DIP2C: variants seen among roughly 807,000 people sequenced by gnomAD.
The protein encoded by DIP2C is disco-interacting protein 2 homolog C.
DIP2C carries 33 observed loss-of-function variants against 192.4 expected under a neutral mutation model. The observed-to-expected ratio is 0.17, with a 90% CI of 0.13 to 0.23. The LOEUF (loss-of-function observed/expected upper bound fraction) is 0.23. Among genes scored for constraint, DIP2C ranks in the 10% least tolerant of loss-of-function variants. The pLI, the probability that DIP2C is intolerant of heterozygous loss-of-function variation, is 1.00. For missense variants in DIP2C, 1,537 were observed against 2,110.1 expected, an observed-to-expected ratio of 0.73 and a Z score of 5.32; for synonymous variants, 979 against 864.1, an observed-to-expected ratio of 1.13 and a Z score of -2.33.
At chr10:332,198 T>C (rs1241256672) in intron 29 of DIP2C, among the ~76,000 whole-genome samples, 4 of 152,184 alleles carry the variant, frequency 2.6e-5, no homozygotes, top group African/African-American at 9.6e-5. Flanking sequence ...GCAATCCTCC[T>C]GCCTCGGACA....
At chr10:462,643 G>T (rs555017612) in intron 3 of DIP2C, among the ~76,000 whole-genome samples, 153 of 152,240 alleles carry the variant, frequency 1.0e-3, no homozygotes, top group African/African-American at 3.5e-3. Flanking sequence ...CAAAACAATA[G>T]AAAAGAGGGG....
chr10:572,076 C>G (rs1849852738), intron 1 of DIP2C, among the ~76,000 whole-genome samples: 3 of 152,188 alleles, frequency 2.0e-5, no homozygotes, highest in South Asian at 4.1e-4. Context: ...TGAAAGGAGA[C>G]CCTTCTCGGG....
intron 17 of DIP2C, among the ~76,000 whole-genome samples, chr10:378,024 G>A (rs79535080): frequency 2.7e-3 from 415 of 152,298 alleles, no homozygotes; most frequent in African/African-American, 9.6e-3. Flanking sequence ...AACAGAGTCA[G>A]ATGGCAGGAG....
chr10:582,623 C>T (rs992471231), intron 1 of DIP2C, among the ~76,000 whole-genome samples: 12 of 152,096 alleles, frequency 7.9e-5, no homozygotes, highest in South Asian at 2.1e-4. Flanking sequence ...AAACTGGATG[C>T]GTTTAGGTGG....
intron 1 of DIP2C, among the ~76,000 whole-genome samples, chr10:615,507 A>G (rs1015136122): frequency 6.6e-6 from 1 of 152,142 alleles, no homozygotes; most frequent in Non-Finnish European, 1.5e-5. Flanking sequence ...AGGGCTCAAG[A>G]CACTGCACCA....
chr10:607,209 C>T (rs550246818), intron 1 of DIP2C, among the ~76,000 whole-genome samples: 1 of 152,336 alleles, frequency 6.6e-6, no homozygotes, highest in South Asian at 2.1e-4. Flanking sequence ...AGGCCTAAAG[C>T]CTCGAAGACA....
chr10:305,166 ACT>A lies in DIP2C; in HGVS notation c.3986+4863_3986+4864del, dbSNP rs545466638. ...ACACAACACACTTGCACAAACTCAT[ACT>A]CTCATGCATATATGCACTTATACTT... On this transcript the variant is annotated intron_variant, in intron 32 of 36. Transcript: ENST00000280886. Among the ~76,000 whole-genome samples, 377 of 151,948 alleles carry A rather than the reference ACT, an allele frequency of 2.5e-3. 1 individual carries two copies. The highest frequency in any genetic ancestry group is 8.0e-3 in the African/African-American group (333 of 41,426).
chr10:463,811 C>T (rs545607900), intron 3 of DIP2C, among the ~76,000 whole-genome samples: 37 of 152,198 alleles, frequency 2.4e-4, no homozygotes, highest in Admixed American at 1.6e-3. Context: ...ACCAAGGGAA[C>T]AGAACAGAGG....
intron 1 of DIP2C, among the ~76,000 whole-genome samples, chr10:632,593 C>T (rs397832589): frequency 1.1e-5 from 1 of 91,554 alleles, no homozygotes; most frequent in South Asian, 5.2e-4. Flanking sequence ...CTGGAGACCA[C>T]GCGGGCACCG....
intron 1 of DIP2C, among the ~76,000 whole-genome samples, chr10:576,565 C>T (rs1850174716): frequency 1.3e-5 from 2 of 152,166 alleles, no homozygotes; most frequent in African/African-American, 2.4e-5. Flanking sequence ...CTTTCTACTC[C>T]AATTTAATAC....
At chr10:679,844 G>A (rs1271938284) in intron 1 of DIP2C, among the ~76,000 whole-genome samples, 1 of 152,128 alleles carries the variant, frequency 6.6e-6, no homozygotes, top group Admixed American at 6.5e-5. Context: ...TCCTCTGTAC[G>A]CCCTTCTTGA....
At chr10:344,065 A>G (rs1276285697) in intron 28 of DIP2C, among the ~76,000 whole-genome samples, 2 of 151,988 alleles carry the variant, frequency 1.3e-5, no homozygotes, top group Non-Finnish European at 2.9e-5. Flanking sequence ...CTGATGGTCT[A>G]CTCTACGTCA....
intron 1 of DIP2C, among the ~76,000 whole-genome samples, chr10:640,113 G>T (rs890635510): frequency 1.3e-5 from 2 of 151,884 alleles, no homozygotes; most frequent in African/African-American, 4.8e-5. Flanking sequence ...TACCCGCCAC[G>T]CCTGTGGGCC....
chr10:640,360 C>G (rs944874688), intron 1 of DIP2C, among the ~76,000 whole-genome samples: 2 of 152,256 alleles, frequency 1.3e-5, no homozygotes, highest in Non-Finnish European at 2.9e-5. Flanking sequence ...GAAATCACCG[C>G]AGCCTTACCT....
chr10:507,480 C>T (rs891719315), intron 1 of DIP2C, among the ~76,000 whole-genome samples: 4 of 150,208 alleles, frequency 2.7e-5, no homozygotes, highest in South Asian at 2.1e-4. Context: ...CTTGGTCACT[C>T]GCTGTGCACT....
At chr10:351,356 G>T (rs1011346404) in intron 24 of DIP2C, among the ~76,000 whole-genome samples, 1 of 152,118 alleles carries the variant, frequency 6.6e-6, no homozygotes, top group African/African-American at 2.4e-5. Context: ...CTACCAAAAC[G>T]TCCACAAGAC....
At chr10:584,539 T>C (rs1401698336) in intron 1 of DIP2C, among the ~76,000 whole-genome samples, 1 of 113,874 alleles carries the variant, frequency 8.8e-6, no homozygotes, top group African/African-American at 3.6e-5. Context: ...TGGCCCCCAC[T>C]CACGGGCACC....
rs540132249 is a variant in DIP2C, at chr10:422,781, G to A, written c.604+43C>T. ...ACAGAGAATGTGCACACACAAAGGC[G>A]TTTACACAACAGGCACAGAAAGACA... On this transcript the variant is annotated intron_variant, in intron 5 of 36. Transcript: ENST00000280886. 3.2e-5 allele frequency: 51 copies of A among 1,584,934 alleles called. No individual in the cohort carries two copies. In the South Asian group the frequency reaches 4.6e-4, roughly 14 times the overall value.
Position 401,299 on chromosome 10 carries a change from G to A in DIP2C, c.1150-2080C>T, listed in dbSNP as rs146179695. Among the ~76,000 whole-genome samples, 663 of 151,334 alleles carry A rather than the reference G, an allele frequency of 4.4e-3. 10 individuals carry two copies. The highest frequency in any genetic ancestry group is 0.01 in the South Asian group (49 of 4,740). On this transcript the variant is annotated intron_variant, in intron 9 of 36. Transcript: ENST00000280886. ...TAGCATTAGCATTACTCTTCCTTAC[G>A]GACAAGTTTGGTATGTGTTCATCAG...
Sources: allele counts gnomAD v4.1 joint callset (sites outside exome capture counted in the v4.1 genomes callset), GRCh38; gene constraint gnomAD v4.1.1; transcripts MANE v1.5; gene names NCBI Gene and HGNC (gene_info 2026-07-23, HGNC 2026-07-21).